Variants in STMP1 observed in about 807,000 individuals in gnomAD.
STMP1 encodes mitolamban.
Under a neutral mutation model 7.0 loss-of-function variants are expected in STMP1, and 7 were observed. That is an observed-to-expected ratio of 1.01 (90% CI 0.57 to 1.89). The LOEUF is 1.89. Among genes scored for constraint, STMP1 ranks in the 40% most tolerant of loss-of-function variants. The probability of loss-of-function intolerance (pLI) is 0.00; values close to 1 mark genes in which losing one functional copy is unlikely to be tolerated. For missense variants in STMP1, 45 were observed against 53.0 expected (o/e 0.85, Z 0.47); for synonymous variants, 19 against 18.4 (o/e 1.03, Z -0.08).
intron 1 of STMP1, among the ~76,000 whole-genome samples, chr7:135,664,906 A>G (rs1414616625): frequency 1.3e-5 from 2 of 152,226 alleles, no homozygotes; most frequent in East Asian, 3.8e-4. Context: ...CTTCAGAGTC[A>G]GACTTCTCAG....
intron 1 of STMP1, among the ~76,000 whole-genome samples, chr7:135,664,331 T>C (rs538278481): frequency 1.3e-5 from 2 of 151,754 alleles, no homozygotes; most frequent in East Asian, 1.9e-4. Flanking sequence ...CAATAAACTT[T>C]TACTGTGTGT....
At chr7:135,663,161 G>A (rs1227256715) in intron 1 of STMP1, among the ~76,000 whole-genome samples, 1 of 152,216 alleles carries the variant, frequency 6.6e-6, no homozygotes, top group African/African-American at 2.4e-5. Context: ...GTGTAAGCAT[G>A]AGTAAGCAGA....
intron 1 of STMP1, chr7:135,665,824 G>A (rs1795285613): frequency 1.3e-5 from 2 of 152,148 alleles, no homozygotes; most frequent in Non-Finnish European, 2.9e-5. Context: ...GATGCTTTTG[G>A]CGGGAAGCTA....
chr7:135,669,820 A>T (rs184860722), intron 1 of STMP1, among the ~76,000 whole-genome samples: 24 of 152,384 alleles, frequency 1.6e-4, no homozygotes, highest in East Asian at 5.8e-4. Flanking sequence ...TGATAATGAC[A>T]TAAATAGGCT....
At chr7:135,665,075 G>A (rs1795278485) in intron 1 of STMP1, among the ~76,000 whole-genome samples, 1 of 152,144 alleles carries the variant, frequency 6.6e-6, no homozygotes. Flanking sequence ...TTAAAAACAG[G>A]AGCACTCAAC....
chr7:135,666,950 T>C (rs1276149823), intron 1 of STMP1, among the ~76,000 whole-genome samples: 1 of 152,142 alleles, frequency 6.6e-6, no homozygotes, highest in African/African-American at 2.4e-5. Flanking sequence ...TTTGGACTGT[T>C]TTCCAGAGTA....
intron 1 of STMP1, among the ~76,000 whole-genome samples, chr7:135,666,087 C>T (rs191647537): frequency 2.6e-5 from 4 of 152,078 alleles, no homozygotes; most frequent in Non-Finnish European, 1.5e-5. Flanking sequence ...CATATGCCAC[C>T]ACACCTGGCT....
intron 1 of STMP1, among the ~76,000 whole-genome samples, chr7:135,670,107 C>T (rs1313030078): frequency 6.6e-6 from 1 of 152,172 alleles, no homozygotes; most frequent in Non-Finnish European, 1.5e-5. Context: ...TGTTCTCAAA[C>T]TTCCAGTGTT....
intron 1 of STMP1, among the ~76,000 whole-genome samples, chr7:135,668,936 T>G (rs1795327381): frequency 6.6e-6 from 1 of 152,206 alleles, no homozygotes; most frequent in African/African-American, 2.4e-5. Flanking sequence ...TACCCGAGAC[T>G]GGGTAATTTA....
intron 1 of STMP1, among the ~76,000 whole-genome samples, chr7:135,664,651 G>GA (rs1209733512): frequency 6.6e-6 from 1 of 152,116 alleles, no homozygotes; most frequent in East Asian, 1.9e-4. Context: ...TATTTAAGGA[G>GA]AGATGCTAAA....
intron 1 of STMP1, 82 bp downstream of exon 1, chr7:135,662,676 C>T (rs1795246480): frequency 6.8e-7 from 1 of 1,480,260 alleles, no homozygotes; most frequent in African/African-American, 1.4e-5. Flanking sequence ...TTGCCGACCC[C>T]GCCGACCCGG....
chr7:135,672,715 C>T (rs982793624), intron 1 of STMP1, 38 bp from the exon 2 acceptor site: 14 of 1,471,570 alleles, frequency 9.5e-6, no homozygotes, highest in African/African-American at 5.6e-5. Context: ...GCACAGGACT[C>T]GGCATGCACT....
At chr7:135,670,522 C>T (rs900050838) in intron 1 of STMP1, among the ~76,000 whole-genome samples, 3 of 152,146 alleles carry the variant, frequency 2.0e-5, no homozygotes, top group Admixed American at 1.3e-4. Context: ...CTGACCATCC[C>T]GTGAATGACA....
In STMP1 at chr7:135,662,568, C is replaced by A; in HGVS notation, c.-12C>A. 1 of 1,548,362 alleles carries A rather than the reference C, an allele frequency of 6.5e-7. No homozygotes were observed. The highest frequency in any genetic ancestry group is 8.7e-7 in the Non-Finnish European group (1 of 1,145,722). On this transcript the variant is annotated 5_prime_UTR_variant, in exon 1 of 3. Transcript: ENST00000507606. ...AGTCCTTCGCGCCCTCCTCGCCCTC[C>A]CCACCGACATCATGCTCCAGTTCCT... is the stretch of plus-strand genomic sequence containing the variant.
intron 1 of STMP1, among the ~76,000 whole-genome samples, chr7:135,667,971 G>A (rs1795314230): frequency 1.3e-5 from 2 of 152,212 alleles, no homozygotes; most frequent in Admixed American, 1.3e-4. Context: ...TATAGTGTGA[G>A]ATAGGAGTCC....
intron 1 of STMP1, among the ~76,000 whole-genome samples, chr7:135,671,135 C>T (rs3112329): frequency 0.42 from 63,109 of 152,016 alleles, 14,216 homozygotes; most frequent in African/African-American, 0.59. Flanking sequence ...AGGTGCAACA[C>T]TGGTAAAAGT....
At chr7:135,671,109 A>G (rs1302746229) in intron 1 of STMP1, among the ~76,000 whole-genome samples, 1 of 152,200 alleles carries the variant, frequency 6.6e-6, no homozygotes, top group Non-Finnish European at 1.5e-5. Flanking sequence ...TAGGAGAAAA[A>G]AATCATTCTC....
At position 135,675,222 on chromosome 7, in the gene STMP1, C is replaced by T. The variant is rs983731738; in HGVS notation, c.*1057C>T. On this transcript the variant is annotated 3_prime_UTR_variant, in exon 3 of 3. Coordinates refer to ENST00000507606, the MANE Select transcript of STMP1 (RefSeq NM_001130929.2). ...GTAATTTCATATAAAGGGCCTCTCCCACCCCTGTTCTCTGGCTCCTGGCTC... is the reference window on the plus strand; with the variant it reads ...GTAATTTCATATAAAGGGCCTCTCCTACCCCTGTTCTCTGGCTCCTGGCTC... 2.6e-4 allele frequency: 39 copies of T among 152,174 alleles called. 1 individual carries two copies. Among genetic ancestry groups the T allele is most frequent in the African/African-American group, 8.2e-4 (34 of 41,442 alleles). 9.4% of individuals were successfully genotyped at this position (152,174 alleles called of 1,614,324 possible).
chr7:135,672,532 C>T (rs546964701), intron 1 of STMP1, among the ~76,000 whole-genome samples: 1 of 152,126 alleles, frequency 6.6e-6, no homozygotes, highest in Admixed American at 6.5e-5. Flanking sequence ...GTTGGTGTCA[C>T]CATTTATTCT....
Sources: gnomAD v4.1 joint callset for allele counts (sites outside exome capture counted in the v4.1 genomes callset) on GRCh38, gnomAD v4.1.1 for gene constraint, MANE v1.5 for transcripts, NCBI Gene and HGNC (gene_info 2026-07-23, HGNC 2026-07-21) for gene names.